The following DIAPH3 variants were observed in gnomAD, a reference collection of about 807,000 sequenced individuals.
DIAPH3 encodes protein diaphanous homolog 3.
DIAPH3 carries 117 observed loss-of-function variants against 144.3 expected under a neutral mutation model. That is an observed-to-expected ratio of 0.81 (90% CI 0.70 to 0.95). The LOEUF is 0.95. Ranked by LOEUF, DIAPH3 falls within the 40% of genes least tolerant of loss-of-function variation. The pLI is 0.00. For missense variants in DIAPH3, 1,421 were observed against 1,412.7 expected, an observed-to-expected ratio of 1.01 and a Z score of -0.09; for synonymous variants, 519 against 488.9, an observed-to-expected ratio of 1.06 and a Z score of -0.81.
chr13:59,704,030 C>T lies in DIAPH3; in HGVS notation c.3320-37184G>A, dbSNP rs140625769. Among the ~76,000 whole-genome samples, 377 of 152,314 alleles carry T rather than the reference C, an allele frequency of 2.5e-3. 1 individual carries two copies. Among genetic ancestry groups the T allele is most frequent in the African/African-American group, 8.6e-3 (357 of 41,548 alleles). Reference sequence around the variant, plus strand: ...TTTTGATTTGCTCTATTTCCTAGGGCACAGGCCTCCAGGGTTTTCGACTGA... The same window carrying T: ...TTTTGATTTGCTCTATTTCCTAGGGTACAGGCCTCCAGGGTTTTCGACTGA... On this transcript the variant is annotated intron_variant, in intron 27 of 27. Coordinates refer to ENST00000400324, the MANE Select transcript of DIAPH3 (RefSeq NM_001042517.2).
At chr13:59,874,104 T>C (rs182257512) in intron 21 of DIAPH3, among the ~76,000 whole-genome samples, 2 of 152,328 alleles carry the variant, frequency 1.3e-5, no homozygotes, top group African/African-American at 2.4e-5. Flanking sequence ...TTCTGGGATA[T>C]GAAAGTAGGG....
At chr13:59,745,175 GT>G (rs1455653998) in intron 27 of DIAPH3, among the ~76,000 whole-genome samples, 1 of 152,082 alleles carries the variant, frequency 6.6e-6, no homozygotes, top group African/African-American at 2.4e-5. Context: ...TTGTCAGCAT[GT>G]TTAACAAGAG....
chr13:60,116,710 T>C (rs191589043), intron 2 of DIAPH3, among the ~76,000 whole-genome samples: 15 of 151,978 alleles, frequency 9.9e-5, no homozygotes, highest in Middle Eastern at 6.8e-3. Context: ...TAAATGGGAA[T>C]AATAAGCTTA....
Position 59,909,673 on chromosome 13 carries a change from C to T in DIAPH3, c.2367+2062G>A, listed in dbSNP as rs1451330554. On this transcript the variant is annotated intron_variant, in intron 20 of 27. Transcript: ENST00000400324. ...ATGACTAAGGCATTGTTCATATTGT[C>T]TGTAGAGGATGTTTTTCAACAACGT... is the stretch of plus-strand genomic sequence containing the variant. Among the ~76,000 whole-genome samples, 3 of 152,122 alleles carry T rather than the reference C, an allele frequency of 2.0e-5. No individual in the cohort carries two copies. In the East Asian group the frequency reaches 5.8e-4, roughly 29 times the overall value.
At chr13:59,892,476 A>C (rs1362478297) in intron 20 of DIAPH3, among the ~76,000 whole-genome samples, 2 of 152,024 alleles carry the variant, frequency 1.3e-5, no homozygotes, top group East Asian at 3.9e-4. Flanking sequence ...GAAGAAAGGA[A>C]GTGATTTCAG....
rs184564137 is a variant in DIAPH3, at chr13:59,839,229, A to C, written c.2862+95T>G. On this transcript the variant is annotated intron_variant, in intron 23 of 27. Transcript: ENST00000400324. ...AACTTTCTGTAATTTGGCACTACAG[A>C]ATGATCTCTGGTTACACAAAGACAT... The C allele has an allele frequency of 5.4e-5, 82 of 1,508,180 alleles. No homozygotes were observed. The East Asian group carries it at 1.7e-3, about 30-fold the overall frequency. The allele number at this position is 1,508,180 out of a possible 1,614,324, so 93.4% of individuals were successfully genotyped here.
intron 17 of DIAPH3, among the ~76,000 whole-genome samples, chr13:59,946,765 A>AT (rs886285775): frequency 6.6e-5 from 10 of 151,994 alleles, no homozygotes; most frequent in South Asian, 2.1e-4. Context: ...CGGATATGTT[A>AT]TTTTTTTTAA....
At position 59,666,574 on chromosome 13, in the gene DIAPH3, C is replaced by T. The variant is rs779590462; in HGVS notation, c.*10G>A. On this transcript the variant is annotated 3_prime_UTR_variant, in exon 28 of 28. Coordinates refer to ENST00000400324, the MANE Select transcript of DIAPH3 (RefSeq NM_001042517.2). ...TTGGCTTAATCATTTTTTTTAAAAA[C>T]CAGTTTAACTTATAAAGCTCGTAAT... 1.4e-5 allele frequency: 22 copies of T among 1,613,404 alleles called. No homozygotes were observed. In the South Asian group the frequency reaches 2.2e-4, roughly 16 times the overall value.
chr13:59,825,983 C>T (rs551632843), intron 24 of DIAPH3, among the ~76,000 whole-genome samples: 1 of 152,060 alleles, frequency 6.6e-6, no homozygotes, highest in Non-Finnish European at 1.5e-5. Flanking sequence ...ATTCAACAAC[C>T]TTCATGCTAA....
At chr13:60,001,936 G>A (rs984975423) in intron 9 of DIAPH3, among the ~76,000 whole-genome samples, 7 of 152,154 alleles carry the variant, frequency 4.6e-5, no homozygotes, top group African/African-American at 1.7e-4. Flanking sequence ...CAGCTAAAGT[G>A]ATCAGTGACA....
At chr13:59,981,776 T>C (rs1478495060) in intron 13 of DIAPH3, among the ~76,000 whole-genome samples, 2 of 151,458 alleles carry the variant, frequency 1.3e-5, no homozygotes, top group African/African-American at 2.4e-5. Context: ...AACCTCTTAT[T>C]ACCATTTCTA....
intron 25 of DIAPH3, among the ~76,000 whole-genome samples, chr13:59,793,849 A>G (rs2039443795): frequency 6.6e-6 from 1 of 152,192 alleles, no homozygotes; most frequent in Non-Finnish European, 1.5e-5. Context: ...TGGGAGAATT[A>G]GGCAATCTGG....
chr13:60,121,298 T>G (rs1429356230), intron 2 of DIAPH3, among the ~76,000 whole-genome samples: 2 of 151,308 alleles, frequency 1.3e-5, no homozygotes, highest in African/African-American at 4.9e-5. Context: ...TTAAAGAAAA[T>G]AAAGATTTAA....
intron 24 of DIAPH3, among the ~76,000 whole-genome samples, chr13:59,827,681 C>T (rs2139683798): frequency 6.6e-6 from 1 of 152,072 alleles, no homozygotes; most frequent in East Asian, 1.9e-4. Flanking sequence ...GAAGCATCAC[C>T]TGGATAACAG....
intron 27 of DIAPH3, among the ~76,000 whole-genome samples, chr13:59,686,601 T>C (rs565766972): frequency 6.6e-6 from 1 of 152,174 alleles, no homozygotes; most frequent in South Asian, 2.1e-4. Context: ...CAAAACATGG[T>C]ATTCATTTTT....
chr13:60,056,400 T>C (rs2056559764), intron 4 of DIAPH3, among the ~76,000 whole-genome samples: 1 of 151,780 alleles, frequency 6.6e-6, no homozygotes, highest in Admixed American at 6.6e-5. Context: ...GTGTTTTCTA[T>C]ACATGGATCT....
At chr13:59,928,717 T>G (rs1003047792) in intron 17 of DIAPH3, among the ~76,000 whole-genome samples, 1 of 152,154 alleles carries the variant, frequency 6.6e-6, no homozygotes, top group Non-Finnish European at 1.5e-5. Context: ...ATGACTTTCA[T>G]AGTGATGAAG....
chr13:59,993,428 C>T (rs558777149), intron 9 of DIAPH3, among the ~76,000 whole-genome samples: 33 of 151,708 alleles, frequency 2.2e-4, no homozygotes, highest in African/African-American at 7.2e-4. Flanking sequence ...GCAAGAACTA[C>T]TGGACTACTG....
chr13:59,798,029 A>G (rs925487041), intron 25 of DIAPH3, among the ~76,000 whole-genome samples: 1 of 152,150 alleles, frequency 6.6e-6, no homozygotes, highest in Non-Finnish European at 1.5e-5. Flanking sequence ...TATGTGTTCT[A>G]AAGCTGGTAG....
Sources: gnomAD v4.1 joint callset for allele counts (sites outside exome capture counted in the v4.1 genomes callset) on GRCh38, gnomAD v4.1.1 for gene constraint, MANE v1.5 for transcripts, NCBI Gene and HGNC (gene_info 2026-07-23, HGNC 2026-07-21) for gene names.